PTGER4: variants seen among roughly 807,000 people sequenced by gnomAD.
PTGER4 encodes prostaglandin E2 receptor EP4 subtype.
In PTGER4, 11 loss-of-function variants were observed where a neutral mutation model predicts 33.2. That is an observed-to-expected ratio of 0.33 (90% CI 0.21 to 0.55). The LOEUF is 0.55. PTGER4 is among the 20% of genes least tolerant of loss of function. PTGER4 has a pLI of 0.92. For synonymous variants in PTGER4, 275 were observed against 281.5 expected (o/e 0.98, Z 0.23); for missense variants, 481 against 650.2 (o/e 0.74, Z 2.83).
At chr5:40,697,060 GAAAA>G (rs1158053809), downstream of PTGER4, among the ~76,000 whole-genome samples, 6 of 106,448 alleles carry the variant, frequency 5.6e-5, no homozygotes, top group East Asian at 3.6e-4. Context: ...AGGAAAGAAA[GAAAA>G]GAAAGAAAGG....
chr5:40,702,795 C>A, the PTGER4 span, among the ~76,000 whole-genome samples: 10 of 152,150 alleles, frequency 6.6e-5, no homozygotes, highest in Non-Finnish European at 1.5e-4. Flanking sequence ...TCTAAAAGAA[C>A]CAAAGTCATA....
chr5:40,709,875 G>A, the PTGER4 span, among the ~76,000 whole-genome samples: 1 of 152,226 alleles, frequency 6.6e-6, no homozygotes, highest in Non-Finnish European at 1.5e-5. Flanking sequence ...CTAGCCATAT[G>A]TAGAAAGCTG....
chr5:40,744,410 G>T, the PTGER4 span, among the ~76,000 whole-genome samples: 2 of 148,764 alleles, frequency 1.3e-5, no homozygotes, highest in South Asian at 4.2e-4. Flanking sequence ...AGACCTAAAA[G>T]CTAATATATT....
At chr5:40,732,218 T>C in the PTGER4 span, among the ~76,000 whole-genome samples, 1 of 152,102 alleles carries the variant, frequency 6.6e-6, no homozygotes, top group Admixed American at 6.6e-5. Flanking sequence ...GGTCTCACTA[T>C]GTTGCTCAGG....
the PTGER4 span, among the ~76,000 whole-genome samples, chr5:40,722,398 G>T: frequency 1.1e-3 from 165 of 145,728 alleles, 2 homozygotes; most frequent in Admixed American, 4.4e-3. Context: ...CCCTCTGCCC[G>T]GCCGCCCAGT....
At position 40,681,263 on chromosome 5, in the gene PTGER4, G is replaced by T. The variant is rs1363297402; in HGVS notation, c.270G>T (p.Pro90=). 1.9e-6 allele frequency: 3 copies of T among 1,614,186 alleles called. No individual in the cohort carries two copies. The highest frequency in any genetic ancestry group is 2.5e-6 in the Non-Finnish European group (3 of 1,180,032). ...AGGGCCAATGGCCCGGGGGCCAGCC[G>T]CTGTGCGAGTACAGCACCTTCATTC... The part of the protein sequence containing the change: ...YMKGQWPGGQ[P]LCEYSTFILL... The change falls in exon 2 of 3, where the codon CCG becomes CCT. Residue 90 remains proline (P), a synonymous_variant. Transcript: ENST00000302472. This position sits in a 1 kb window ranked among gnomAD's most constrained non-coding sequence, Gnocchi z 9.8.
chr5:40,697,590 A>G (rs960087962), downstream of PTGER4, among the ~76,000 whole-genome samples: 1 of 149,376 alleles, frequency 6.7e-6, no homozygotes, highest in Non-Finnish European at 1.5e-5. Flanking sequence ...TCTCAAAAAA[A>G]AAACAAAAAA....
the PTGER4 span, chr5:40,728,409 GGATTTTGCTGGACGGC>G: frequency 6.2e-7 from 1 of 1,613,720 alleles, no homozygotes; most frequent in Admixed American, 1.7e-5. Flanking sequence ...CCATGAATGT[GGATTTTGCTGGACGGC>G]CATTTCTGCT....
the PTGER4 span, among the ~76,000 whole-genome samples, chr5:40,720,614 G>C: frequency 6.6e-6 from 1 of 152,214 alleles, no homozygotes; most frequent in African/African-American, 2.4e-5. Flanking sequence ...CAAGATGGCA[G>C]AGTGGGAAGC....
chr5:40,738,877 C>G, the PTGER4 span, among the ~76,000 whole-genome samples: 2 of 151,990 alleles, frequency 1.3e-5, no homozygotes, highest in African/African-American at 4.8e-5. Flanking sequence ...AACTTTTTAC[C>G]CATTCTTTAC....
At chr5:40,724,581 C>G in the PTGER4 span, among the ~76,000 whole-genome samples, 1 of 150,862 alleles carries the variant, frequency 6.6e-6, no homozygotes. Flanking sequence ...TGAAGTGAGC[C>G]GAGATCACAC....
chr5:40,721,602 C>A, the PTGER4 span, among the ~76,000 whole-genome samples: 1 of 152,034 alleles, frequency 6.6e-6, no homozygotes, highest in East Asian at 1.9e-4. Context: ...AAACAAAAGT[C>A]AACTCCAAGT....
In PTGER4 at chr5:40,692,431, C is replaced by A; in HGVS notation, c.*53C>A. 1 of 1,518,038 alleles carries A rather than the reference C, an allele frequency of 6.6e-7. No individual in the cohort carries two copies. The highest frequency in any genetic ancestry group is 8.8e-7 in the Non-Finnish European group (1 of 1,137,098). 94.0% of individuals were successfully genotyped at this position (1,518,038 alleles called of 1,614,324 possible). ...TTCTGGACCCTTATAAAATCCTGTG[C>A]AATAGACACATACATGTCACATTTA... On this transcript the variant is annotated 3_prime_UTR_variant, in exon 3 of 3. Transcript: ENST00000302472.
chr5:40,739,140 G>A, the PTGER4 span, among the ~76,000 whole-genome samples: 1 of 151,950 alleles, frequency 6.6e-6, no homozygotes. Flanking sequence ...GTACTATAAA[G>A]GTATAACATT....
the PTGER4 span, chr5:40,714,724 C>G: frequency 6.6e-6 from 1 of 152,200 alleles, no homozygotes; most frequent in Non-Finnish European, 1.5e-5. Flanking sequence ...GTGCTAATTT[C>G]TCCAACCCTG....
chr5:40,704,450 C>T, the PTGER4 span, among the ~76,000 whole-genome samples: 1 of 152,290 alleles, frequency 6.6e-6, no homozygotes, highest in South Asian at 2.1e-4. Context: ...TCTCTCACCA[C>T]TTTTATTCAA....
downstream of PTGER4, among the ~76,000 whole-genome samples, chr5:40,696,967 A>G (rs1170335907): frequency 2.4e-5 from 2 of 84,156 alleles, no homozygotes; most frequent in African/African-American, 8.6e-5. Context: ...AGAGAGAAAG[A>G]AAGAGAGAGA....
the PTGER4 span, among the ~76,000 whole-genome samples, chr5:40,722,813 G>C: frequency 1.3e-5 from 2 of 151,370 alleles, no homozygotes; most frequent in South Asian, 2.1e-4. Flanking sequence ...CCATCCGGGA[G>C]GTGGGGGGCG....
the PTGER4 span, among the ~76,000 whole-genome samples, chr5:40,721,366 T>C: frequency 6.6e-6 from 1 of 152,114 alleles, no homozygotes; most frequent in Non-Finnish European, 1.5e-5. Flanking sequence ...TATTACAAAG[T>C]GACAGCAAAC....
Sources: gnomAD v4.1 joint callset for allele counts (sites outside exome capture counted in the v4.1 genomes callset) on GRCh38, gnomAD v4.1.1 for gene constraint, Gnocchi (gnomAD v3.1) non-coding constraint, MANE v1.5 for transcripts, NCBI Gene and HGNC (gene_info 2026-07-23, HGNC 2026-07-21) for gene names.